Variants in NUTF2 observed in about 807,000 individuals in gnomAD.
NUTF2 encodes nuclear transport factor 2, also known as placental protein 15.
A neutral mutation model predicts 18.5 loss-of-function variants in NUTF2; 3 were observed. That is an observed-to-expected ratio of 0.16 (90% confidence interval 0.07 to 0.42). NUTF2 has a LOEUF of 0.42. Among genes scored for constraint, NUTF2 ranks in the 10% least tolerant of loss-of-function variants. The probability of loss-of-function intolerance (pLI) is 0.99; values close to 1 mark genes in which losing one functional copy is unlikely to be tolerated. For missense variants in NUTF2, 44 were observed against 160.7 expected (o/e 0.27, Z 3.93); for synonymous variants, 51 against 57.9 (o/e 0.88, Z 0.54).
intron 2 of NUTF2, among the ~76,000 whole-genome samples, chr16:67,866,668 T>C (rs980184228): frequency 1.3e-5 from 2 of 152,118 alleles, no homozygotes; most frequent in African/African-American, 2.4e-5. Context: ...GATTTCACCA[T>C]GTTGGCCAGG....
chr16:67,849,639 C>T (rs1052114659), intron 1 of NUTF2, among the ~76,000 whole-genome samples: 11 of 150,962 alleles, frequency 7.3e-5, no homozygotes, highest in Admixed American at 3.3e-4. Flanking sequence ...CTGATCCCGG[C>T]CTAATTTTAT....
chr16:67,870,763 T>C (rs1187794861), intron 4 of NUTF2, 37 bp from the exon 5 acceptor site: 1 of 1,528,474 alleles, frequency 6.5e-7, no homozygotes, highest in Admixed American at 1.7e-5. Context: ...TCCTGTTTCT[T>C]GATCCCCTTA....
rs1491467083 is a variant in NUTF2 at position 67,859,975 on chromosome 16, T to TG, written c.-29-5127_-29-5126insG. Among the ~76,000 whole-genome samples, 927 of 150,006 alleles carry TG rather than the reference T, an allele frequency of 6.2e-3. 13 individuals carry two copies. The highest frequency in any genetic ancestry group is 0.021 in the African/African-American group (846 of 40,580). Reference sequence around the variant, plus strand: ...ACACCACCATGGCCAGATATTTTATTATTTTTTTTTTTCTTTTTTTTTGAG... The same window carrying TG: ...ACACCACCATGGCCAGATATTTTATTGATTTTTTTTTTTCTTTTTTTTTGAG... On this transcript the variant is annotated intron_variant, in intron 1 of 4. Coordinates refer to ENST00000219169, the MANE Select transcript of NUTF2 (RefSeq NM_005796.3).
chr16:67,852,351 CTTTT>C (rs75813171), intron 1 of NUTF2, among the ~76,000 whole-genome samples: 1 of 140,624 alleles, frequency 7.1e-6, no homozygotes. Context: ...ATCTTTTTTT[CTTTT>C]TTTTTTTTTT....
At chr16:67,870,627 T>G (rs1306500699) in intron 4 of NUTF2, 173 bp from the exon 5 acceptor site, 2 of 638,634 alleles carry the variant, frequency 3.1e-6, no homozygotes, top group Non-Finnish European at 5.7e-6. Flanking sequence ...GGGCATTGTT[T>G]CATACATTAC....
chr16:67,870,532 T>C, intron 4 of NUTF2: 5 of 433,870 alleles, frequency 1.2e-5, no homozygotes, highest in South Asian at 1.1e-4. Flanking sequence ...TCTGCTCTTT[T>C]GCTGTAGCTA....
At position 67,852,996 on chromosome 16, in the gene NUTF2, T is replaced by G. The variant is rs949857083; in HGVS notation, c.-30+6011T>G. Among the ~76,000 whole-genome samples the G allele has an allele frequency of 7.9e-5, 12 of 152,194 alleles. 1 individual carries two copies. The highest frequency in any genetic ancestry group is 2.0e-4 in the Admixed American group (3 of 15,282). The stretch of plus-strand genomic sequence containing the variant: ...CCGCTCCCGGCCCTTTTTTTCTTTC[T>G]TTTTAAAGTTTTTCTTAGGGTACAT... On this transcript the variant is annotated intron_variant, in intron 1 of 4. Coordinates refer to ENST00000219169, the MANE Select transcript of NUTF2 (RefSeq NM_005796.3).
intron 1 of NUTF2, chr16:67,856,017 G>A (rs1471683274): frequency 2.0e-5 from 21 of 1,026,512 alleles, no homozygotes; most frequent in Middle Eastern, 3.0e-4. Context: ...ACGTTGAAGC[G>A]TACTGTCTTG....
At position 67,865,115 on chromosome 16, in the gene NUTF2, C is replaced by T. The variant is rs753136192; in HGVS notation, c.-16C>T. The T allele has an allele frequency of 3.5e-5, 56 of 1,590,958 alleles. No homozygotes were observed. Among genetic ancestry groups the T allele is most frequent in the Admixed American group, 5.0e-5 (3 of 59,892 alleles). On this transcript the variant is annotated 5_prime_UTR_variant, in exon 2 of 5. Transcript: ENST00000219169. The stretch of plus-strand genomic sequence containing the variant: ...TTGGTCTTGCAGGTCTCCGTGAGGC[C>T]GGGTGACGCTCCAGAATGGGAGACA...
chr16:67,854,255 C>T (rs913997336), intron 1 of NUTF2, among the ~76,000 whole-genome samples: 8 of 152,194 alleles, frequency 5.3e-5, no homozygotes, highest in African/African-American at 1.7e-4. Context: ...CTGGCCTGTG[C>T]GAGGCCTTCT....
At chr16:67,850,518 C>G (rs1269494895) in intron 1 of NUTF2, among the ~76,000 whole-genome samples, 5 of 152,170 alleles carry the variant, frequency 3.3e-5, no homozygotes, top group East Asian at 1.9e-4. Context: ...TCCCTGTAAC[C>G]TCTTTGTCTG....
intron 1 of NUTF2, among the ~76,000 whole-genome samples, chr16:67,864,543 C>T (rs1332901350): frequency 6.7e-6 from 1 of 149,684 alleles, no homozygotes. Flanking sequence ...AGAAGAGGGG[C>T]CTTGAGAATC....
At chr16:67,848,521 C>T (rs1389281191) in intron 1 of NUTF2, among the ~76,000 whole-genome samples, 2 of 151,976 alleles carry the variant, frequency 1.3e-5, no homozygotes, top group Non-Finnish European at 2.9e-5. Flanking sequence ...AGGTGGAGGT[C>T]GCAGTGAACT....
At position 67,855,892 on chromosome 16, in the gene NUTF2, G is replaced by GT. The variant is rs200141603; in HGVS notation, c.-30+8907_-30+8908insT. On this transcript the variant is annotated intron_variant, in intron 1 of 4. Transcript: ENST00000219169. ...GCCACCCGATTTTTTTTTGGCGGGG[G>GT]GGGGGGATGGGGGAAATGAGAATAA... 4 of 441,700 alleles carry GT rather than the reference G, an allele frequency of 9.1e-6. No homozygotes were observed. The East Asian group carries it at 1.6e-4, about 17-fold the overall frequency. 27.4% of individuals were successfully genotyped at this position (441,700 alleles called of 1,614,324 possible).
chr16:67,858,825 A>C (rs943756425), intron 1 of NUTF2, among the ~76,000 whole-genome samples: 7 of 151,072 alleles, frequency 4.6e-5, no homozygotes, highest in African/African-American at 1.7e-4. Context: ...AAGGACTGAC[A>C]CCCAGCAGTG....
At chr16:67,868,286 A>C in intron 2 of NUTF2, 54 bp from the exon 3 acceptor site, 24 of 1,537,624 alleles carry the variant, frequency 1.6e-5, no homozygotes, top group Non-Finnish European at 2.1e-5. Context: ...CCAGGGCCTT[A>C]GAGATACTTG....
intron 1 of NUTF2, among the ~76,000 whole-genome samples, chr16:67,859,899 G>A (rs920532992): frequency 1.4e-5 from 2 of 147,322 alleles, no homozygotes; most frequent in Admixed American, 6.9e-5. Context: ...TCCACCTCTC[G>A]GGTTCAAGCA....
chr16:67,852,688 T>G (rs2057868881), intron 1 of NUTF2, among the ~76,000 whole-genome samples: 1 of 151,824 alleles, frequency 6.6e-6, no homozygotes, highest in African/African-American at 2.4e-5. Flanking sequence ...CTTTATTTTT[T>G]TATTTTTTGA....
chr16:67,866,628 G>A (rs2151300406), intron 2 of NUTF2, among the ~76,000 whole-genome samples: 1 of 152,160 alleles, frequency 6.6e-6, no homozygotes, highest in South Asian at 2.1e-4. Context: ...GCCATGCCCG[G>A]CTAATTTTTG....
Sources: gnomAD v4.1 joint callset for allele counts (sites outside exome capture counted in the v4.1 genomes callset) on GRCh38, gnomAD v4.1.1 for gene constraint, MANE v1.5 for transcripts, NCBI Gene and HGNC (gene_info 2026-07-23, HGNC 2026-07-21) for gene names.